KIF1B: variants seen among roughly 807,000 people sequenced by gnomAD.
KIF1B encodes kinesin family member 1B, also known as kinesin-like protein KIF1B.
A neutral mutation model predicts 241.9 loss-of-function variants in KIF1B; 76 were observed. That is an observed-to-expected ratio of 0.31 (90% confidence interval 0.26 to 0.38). The LOEUF is 0.38. KIF1B is among the 10% of genes least tolerant of loss of function. The pLI is 1.00. For synonymous variants in KIF1B, 750 were observed against 796.7 expected, an observed-to-expected ratio of 0.94 and a Z score of 0.99; for missense variants, 1,622 against 2,271.4, an observed-to-expected ratio of 0.71 and a Z score of 5.81.
chr1:10,231,203 TC>T (rs923088019), intron 1 of KIF1B, among the ~76,000 whole-genome samples: 2 of 151,798 alleles, frequency 1.3e-5, no homozygotes, highest in Non-Finnish European at 2.9e-5. Context: ...AGAGCAAAAC[TC>T]CGTCTTAAAA....
Position 10,304,000 on chromosome 1 carries a change from A to T in KIF1B, c.2115+6754A>T. On this transcript the variant is annotated intron_variant, in intron 22 of 48. Transcript: ENST00000676179. The surrounding 1 kb of genome is among the most constrained non-coding windows in gnomAD (Gnocchi z 5.2). ...GAACTTGCAACAGCAGGAGATAACA[A>T]AGCAGCTTCGTCGGCAGAATGTACC... 1.9e-6 allele frequency: 3 copies of T among 1,609,406 alleles called. No homozygotes were observed. Among genetic ancestry groups the T allele is most frequent in the Admixed American group, 3.4e-5 (2 of 59,414 alleles).
chr1:10,308,450 A>G (rs1650931758), intron 22 of KIF1B: 2 of 1,041,278 alleles, frequency 1.9e-6, no homozygotes, highest in Non-Finnish European at 1.2e-6. Context: ...TAAACTGTGG[A>G]TTTCCCCTCT....
intron 3 of KIF1B, among the ~76,000 whole-genome samples, chr1:10,256,959 GTGTT>G (rs1647824836): frequency 1.3e-5 from 2 of 151,994 alleles, no homozygotes; most frequent in Admixed American, 1.3e-4. Context: ...TGATCCACCT[GTGTT>G]TGCCTCCCAA....
intron 35 of KIF1B, 85 bp downstream of exon 35, chr1:10,346,038 C>T: frequency 1.1e-6 from 1 of 879,068 alleles, no homozygotes; most frequent in Non-Finnish European, 1.9e-6. Context: ...TATTTGGGTT[C>T]ATGAATCATT....
Position 10,267,490 on chromosome 1 carries a change from T to C in KIF1B, c.540T>C (p.Asp180=), listed in dbSNP as rs1425681959. 6.2e-7 allele frequency: 1 copy of C among 1,614,106 alleles called. No individual in the cohort carries two copies. Among genetic ancestry groups the C allele is most frequent in the East Asian group, 2.2e-5 (1 of 44,902 alleles). ...EHPLLGPYVE[D]LSKLAVTSYT... ...CACTTCTTGGACCCTATGTGGAGGA[T>C]CTGTCCAAGTTGGCAGTTACTTCCT... Residue 180 remains aspartate, a synonymous_variant, in exon 6 of 49, where the codon GAT becomes GAC. Transcript: ENST00000676179.
At chr1:10,301,096 G>A (rs1364223394) in intron 22 of KIF1B, among the ~76,000 whole-genome samples, 2 of 152,056 alleles carry the variant, frequency 1.3e-5, no homozygotes, top group Non-Finnish European at 2.9e-5. Flanking sequence ...GCTAAGGCAG[G>A]AAGATCACTT....
chr1:10,246,398 C>T (rs915418956), intron 2 of KIF1B, among the ~76,000 whole-genome samples: 2 of 152,184 alleles, frequency 1.3e-5, no homozygotes, highest in Non-Finnish European at 2.9e-5. Context: ...GCAATAGCCT[C>T]CTGTCTCTCT....
At chr1:10,259,285 G>C (rs1647977096) in intron 4 of KIF1B, among the ~76,000 whole-genome samples, 2 of 151,464 alleles carry the variant, frequency 1.3e-5, no homozygotes, top group African/African-American at 2.4e-5. Context: ...ATTTAATGGT[G>C]AAAGACATAA....
chr1:10,274,896 A>G, intron 10 of KIF1B: 1 of 392,130 alleles, frequency 2.6e-6, no homozygotes, highest in Non-Finnish European at 5.0e-6. Flanking sequence ...TTTAAAAAAC[A>G]TGACCTTTTC....
chr1:10,304,427 C>T (rs757874588), intron 22 of KIF1B: 2 of 1,613,666 alleles, frequency 1.2e-6, no homozygotes, highest in Non-Finnish European at 1.7e-6. Flanking sequence ...GGTCACCCCA[C>T]TGCTGATGTA....
At chr1:10,324,610 G>T in intron 25 of KIF1B, 148 bp from the exon 26 acceptor site, 1 of 902,952 alleles carries the variant, frequency 1.1e-6, no homozygotes, top group Non-Finnish European at 1.7e-6. Flanking sequence ...CTGTATTTTT[G>T]GGCTTCATTC....
At chr1:10,228,783 T>G (rs1243033211) in intron 1 of KIF1B, among the ~76,000 whole-genome samples, 1 of 152,150 alleles carries the variant, frequency 6.6e-6, no homozygotes, top group African/African-American at 2.4e-5. Context: ...TGAGGTAATA[T>G]CAGTGGGAAT....
At chr1:10,244,927 T>G (rs1186967900) in intron 2 of KIF1B, among the ~76,000 whole-genome samples, 1 of 152,200 alleles carries the variant, frequency 6.6e-6, no homozygotes, top group Admixed American at 6.5e-5. Flanking sequence ...TTTTCTTAAT[T>G]GTTGCTCTAG....
In KIF1B at chr1:10,296,562, T is replaced by A; in HGVS notation, c.1778-20T>A. 1 of 1,586,372 alleles carries A rather than the reference T, an allele frequency of 6.3e-7. No homozygotes were observed. Among genetic ancestry groups the A allele is most frequent in the Non-Finnish European group, 8.7e-7 (1 of 1,155,118 alleles). On this transcript the variant is annotated intron_variant, in intron 19 of 48. Transcript: ENST00000676179. ...CAATAGTTTGTAATGATAACATTAG[T>A]TTGTGTTTGTTCCTCTTAGTTATCG...
chr1:10,375,930 A>G (rs1638875216), intron 48 of KIF1B, among the ~76,000 whole-genome samples: 1 of 149,154 alleles, frequency 6.7e-6, no homozygotes, highest in Non-Finnish European at 1.5e-5. Flanking sequence ...CTGAGTAGCT[A>G]GGATTACAGG....
chr1:10,338,747 C>T (rs564051389), intron 31 of KIF1B, among the ~76,000 whole-genome samples: 4 of 152,340 alleles, frequency 2.6e-5, no homozygotes, highest in Admixed American at 1.3e-4. Flanking sequence ...TATAGTCGCT[C>T]CTCTGGCCTG....
intron 44 of KIF1B, among the ~76,000 whole-genome samples, chr1:10,369,558 A>C (rs1638668860): frequency 6.6e-6 from 1 of 152,158 alleles, no homozygotes; most frequent in South Asian, 2.1e-4. Flanking sequence ...GCCTGAGCCC[A>C]GGAGTTTGAG....
intron 17 of KIF1B, chr1:10,292,405 T>G (rs1026817164): frequency 4.3e-5 from 16 of 376,132 alleles, no homozygotes; most frequent in African/African-American, 3.3e-4. Context: ...TATTTGTTGC[T>G]TTCTCTTAAA....
chr1:10,352,288 T>C (rs920486445), intron 37 of KIF1B, among the ~76,000 whole-genome samples: 2 of 151,808 alleles, frequency 1.3e-5, no homozygotes, highest in Non-Finnish European at 2.9e-5. Context: ...GAGAGTGGAA[T>C]GGATTGGAAC....
Sources: gnomAD v4.1 joint callset for allele counts (sites outside exome capture counted in the v4.1 genomes callset) on GRCh38, gnomAD v4.1.1 for gene constraint, Gnocchi (gnomAD v3.1) non-coding constraint, MANE v1.5 for transcripts, NCBI Gene and HGNC (gene_info 2026-07-23, HGNC 2026-07-21) for gene names.